SLC25A13: variants seen among roughly 807,000 people sequenced by gnomAD.
SLC25A13 encodes the protein electrogenic aspartate/glutamate antiporter SLC25A13, mitochondrial.
SLC25A13 carries 70 observed loss-of-function variants against 85.5 expected under a neutral mutation model. The observed-to-expected ratio is 0.82, with a 90% confidence interval of 0.68 to 1.00. SLC25A13 has a LOEUF of 1.00. Ranked by LOEUF, SLC25A13 falls within the 50% of genes least tolerant of loss-of-function variation. SLC25A13 has a pLI of 0.00. For missense variants in SLC25A13, 765 were observed against 819.8 expected (o/e 0.93, Z 0.82); for synonymous variants, 259 against 288.7 (o/e 0.90, Z 1.04).
At chr7:96,215,153 C>T (rs1473790178) in intron 4 of SLC25A13, among the ~76,000 whole-genome samples, 2 of 152,116 alleles carry the variant, frequency 1.3e-5, no homozygotes, top group Non-Finnish European at 2.9e-5. Context: ...GGCTGGAGTA[C>T]AGTGGCATGA....
intron 15 of SLC25A13, among the ~76,000 whole-genome samples, chr7:96,127,691 T>C (rs1465867643): frequency 6.6e-6 from 1 of 152,214 alleles, no homozygotes; most frequent in Non-Finnish European, 1.5e-5. Flanking sequence ...AAATATTTTA[T>C]GTATAAGTGA....
rs141957034 is a variant in SLC25A13 at position 96,218,425 on chromosome 7, C to T, written c.329-9448G>A. On this transcript the variant is annotated intron_variant, in intron 4 of 17. Coordinates refer to ENST00000265631, the MANE Select transcript of SLC25A13 (RefSeq NM_014251.3). ...TTAATTGGCAAATTACTTGCACATG[C>T]CATTAAGTGGTTAGACTGAATTTGT... Among the ~76,000 whole-genome samples the T allele has an allele frequency of 2.8e-3, 430 of 152,196 alleles. 1 individual carries two copies. The highest frequency in any genetic ancestry group is 4.7e-3 in the Non-Finnish European group (317 of 67,972).
rs1799959733 is a variant in SLC25A13, at chr7:96,311,754, T to C, written c.15+10188A>G. Among the ~76,000 whole-genome samples the C allele has an allele frequency of 2.6e-5, 4 of 152,142 alleles. No homozygotes were observed. In the South Asian group the frequency reaches 8.3e-4, roughly 32 times the overall value. On this transcript the variant is annotated intron_variant, in intron 1 of 17. Transcript: ENST00000265631. ...AGAGAAGAACTCAGACAAATATATATATATCTGCCCACCAATACAGAGAAA... is the reference window on the plus strand; with the variant it reads ...AGAGAAGAACTCAGACAAATATATACATATCTGCCCACCAATACAGAGAAA...
At chr7:96,249,939 C>A (rs62472366) in intron 3 of SLC25A13, among the ~76,000 whole-genome samples, 7,246 of 150,152 alleles carry the variant, frequency 0.048, 248 homozygotes, top group Middle Eastern at 0.082. Context: ...ATCCCAGCAC[C>A]TTGGGAGGCT....
Position 96,121,096 on chromosome 7 carries a change from G to T in SLC25A13, c.*95C>A. On this transcript the variant is annotated 3_prime_UTR_variant, in exon 18 of 18. Transcript: ENST00000265631. Reference sequence around the variant, plus strand: ...TGGACTTGAATTTAAACAAGAGATGGACGTAAAAGGGATGAAGCATTGCTT... The same window carrying T: ...TGGACTTGAATTTAAACAAGAGATGTACGTAAAAGGGATGAAGCATTGCTT... 1 of 1,328,378 alleles carries T rather than the reference G, an allele frequency of 7.5e-7. No homozygotes were observed. Among genetic ancestry groups the T allele is most frequent in the South Asian group, 1.2e-5 (1 of 84,122 alleles). 82.3% of individuals were successfully genotyped at this position (1,328,378 alleles called of 1,614,324 possible). A position where few individuals can be genotyped will look rare whatever the true frequency, so the allele number is the denominator to read the frequency against.
At chr7:96,293,001 G>A (rs557292992) in intron 2 of SLC25A13, among the ~76,000 whole-genome samples, 1 of 152,308 alleles carries the variant, frequency 6.6e-6, no homozygotes, top group South Asian at 2.1e-4. Flanking sequence ...AACAAAGCCA[G>A]AGGCGTCACG....
chr7:96,230,469 A>G (rs1257621339), intron 4 of SLC25A13, among the ~76,000 whole-genome samples: 1 of 152,226 alleles, frequency 6.6e-6, no homozygotes. Flanking sequence ...GCTGTCATTC[A>G]ACAAAGTGTA....
In SLC25A13 at chr7:96,322,054, TG is replaced by T; in HGVS notation, c.-99del. ...CTTCTAGTCCCGGCGGCGGCGGCGG[TG>T]GGGGCGGCGATACGGCCAGGCAGCG... On this transcript the variant is annotated 5_prime_UTR_variant, in exon 1 of 18. Coordinates refer to ENST00000265631, the MANE Select transcript of SLC25A13 (RefSeq NM_014251.3). 2 of 1,453,998 alleles carry T rather than the reference TG, an allele frequency of 1.4e-6. No individual in the cohort carries two copies. 90.1% of individuals were successfully genotyped at this position (1,453,998 alleles called of 1,614,324 possible).
intron 7 of SLC25A13, 72 bp downstream of exon 7, chr7:96,191,037 G>C (rs1454593943): frequency 2.6e-6 from 4 of 1,545,092 alleles, no homozygotes; most frequent in Admixed American, 1.7e-5. Context: ...TAAAGTACTA[G>C]TTGCCTTCTT....
intron 4 of SLC25A13, among the ~76,000 whole-genome samples, chr7:96,214,122 G>C (rs779991895): frequency 2.0e-5 from 3 of 152,066 alleles, no homozygotes; most frequent in Non-Finnish European, 4.4e-5. Context: ...AAAGTCTGCC[G>C]CATTTGTTTA....
intron 5 of SLC25A13, among the ~76,000 whole-genome samples, chr7:96,202,541 T>C (rs1353504083): frequency 5.0e-5 from 1 of 20,078 alleles, no homozygotes; most frequent in Non-Finnish European, 1.1e-4. Flanking sequence ...CTCTCCACAA[T>C]TCAGAGCATT....
chr7:96,180,377 T>C (rs886729874), intron 11 of SLC25A13, among the ~76,000 whole-genome samples: 1 of 150,936 alleles, frequency 6.6e-6, no homozygotes, highest in Non-Finnish European at 1.5e-5. Flanking sequence ...GTTTCACTCT[T>C]GTCTCCCAGG....
chr7:96,273,187 G>A (rs1296380180), intron 3 of SLC25A13, among the ~76,000 whole-genome samples: 1 of 152,114 alleles, frequency 6.6e-6, no homozygotes, highest in Non-Finnish European at 1.5e-5. Flanking sequence ...GACAAGTCCA[G>A]AATGCAGGAC....
At chr7:96,299,189 T>C (rs968982522) in intron 1 of SLC25A13, among the ~76,000 whole-genome samples, 7 of 152,194 alleles carry the variant, frequency 4.6e-5, no homozygotes, top group Non-Finnish European at 8.8e-5. Flanking sequence ...GAACCTCCCC[T>C]GCCCTCAATT....
chr7:96,175,495 G>C (rs1794184602), intron 11 of SLC25A13, among the ~76,000 whole-genome samples: 1 of 152,212 alleles, frequency 6.6e-6, no homozygotes, highest in Non-Finnish European at 1.5e-5. Context: ...CTTAAACAGT[G>C]GCTTTTGTTT....
chr7:96,288,377 C>G (rs1310844164), intron 2 of SLC25A13, among the ~76,000 whole-genome samples: 1 of 152,222 alleles, frequency 6.6e-6, no homozygotes, highest in Non-Finnish European at 1.5e-5. Flanking sequence ...GCATTTCCAA[C>G]TGAGGCACCA....
intron 14 of SLC25A13, among the ~76,000 whole-genome samples, chr7:96,138,510 C>G (rs1341265141): frequency 1.3e-5 from 2 of 151,962 alleles, no homozygotes; most frequent in South Asian, 2.1e-4. Flanking sequence ...CTCTTCCCCC[C>G]TCAGCCTCCC....
At chr7:96,283,491 G>C in intron 2 of SLC25A13, 1 of 420,074 alleles carries the variant, frequency 2.4e-6, no homozygotes, top group South Asian at 2.0e-5. Flanking sequence ...TTAAGGGAAT[G>C]AGTACTGTTC....
intron 13 of SLC25A13, among the ~76,000 whole-genome samples, chr7:96,155,765 A>G (rs1478298491): frequency 6.6e-6 from 1 of 152,222 alleles, no homozygotes; most frequent in Non-Finnish European, 1.5e-5. Flanking sequence ...ACACGTGTCA[A>G]GCACTTCTGA....
Sources: gnomAD v4.1 joint callset for allele counts (sites outside exome capture counted in the v4.1 genomes callset) on GRCh38, gnomAD v4.1.1 for gene constraint, MANE v1.5 for transcripts, NCBI Gene and HGNC (gene_info 2026-07-23, HGNC 2026-07-21) for gene names.